The following NOL10 variants were observed in gnomAD, a reference collection of about 807,000 sequenced individuals.
NOL10 encodes H_NH0074G24.1.
Under a neutral mutation model 103.5 loss-of-function variants are expected in NOL10, and 58 were observed. The observed-to-expected ratio is 0.56, with a 90% CI of 0.45 to 0.70. The LOEUF is 0.70. Among genes scored for constraint, NOL10 ranks in the 30% least tolerant of loss-of-function variants. The probability of loss-of-function intolerance (pLI) is 0.00; values close to 1 mark genes in which losing one functional copy is unlikely to be tolerated. For missense variants in NOL10, 763 were observed against 807.3 expected, an observed-to-expected ratio of 0.95 and a Z score of 0.67; for synonymous variants, 287 against 282.5, an observed-to-expected ratio of 1.02 and a Z score of -0.16.
rs1674201454 is a variant in NOL10 at position 10,571,993 on chromosome 2, C to G, written c.*78G>C. The G allele has an allele frequency of 6.7e-7, 1 of 1,488,926 alleles. No individual in the cohort carries two copies. The allele number at this position is 1,488,926 out of a possible 1,614,324, so 92.2% of individuals were successfully genotyped here. ...ACTTTAAAAACGTGTGTTTCCTCGT[C>G]TGTGTTTAACACCCTAACGATGATC... On this transcript the variant is annotated 3_prime_UTR_variant, in exon 21 of 21. Coordinates refer to ENST00000381685, the MANE Select transcript of NOL10 (RefSeq NM_024894.4).
chr2:10,605,115 A>G (rs918507430), intron 14 of NOL10, among the ~76,000 whole-genome samples: 1 of 152,236 alleles, frequency 6.6e-6, no homozygotes, highest in African/African-American at 2.4e-5. Flanking sequence ...AGGCTTAAAG[A>G]GGCGAAGTGA....
chr2:10,597,915 T>C (rs1182581630), intron 17 of NOL10, among the ~76,000 whole-genome samples: 3 of 152,188 alleles, frequency 2.0e-5, no homozygotes, highest in Non-Finnish European at 4.4e-5. Context: ...GACCCACCAA[T>C]AGGTTTTAAA....
intron 19 of NOL10, among the ~76,000 whole-genome samples, chr2:10,582,918 C>T (rs997857975): frequency 3.9e-5 from 6 of 152,174 alleles, no homozygotes; most frequent in African/African-American, 1.2e-4. Context: ...AAAGACTCAC[C>T]GACACTAACT....
At chr2:10,660,779 T>C (rs1406419526) in intron 9 of NOL10, among the ~76,000 whole-genome samples, 1 of 152,182 alleles carries the variant, frequency 6.6e-6, no homozygotes. Context: ...TTTCAGTTAT[T>C]CTCCTGAGTT....
At chr2:10,593,698 T>C (rs1675516124) in intron 17 of NOL10, among the ~76,000 whole-genome samples, 1 of 152,178 alleles carries the variant, frequency 6.6e-6, no homozygotes, top group Non-Finnish European at 1.5e-5. Context: ...GCCCCAGCCC[T>C]TTCCCACGGA....
At chr2:10,580,781 T>A (rs537758643) in intron 19 of NOL10, among the ~76,000 whole-genome samples, 132 of 152,060 alleles carry the variant, frequency 8.7e-4, no homozygotes, top group African/African-American at 2.9e-3. Flanking sequence ...GCTCCTCAGA[T>A]GAGAGGTTTT....
intron 13 of NOL10, among the ~76,000 whole-genome samples, chr2:10,608,123 T>C (rs2148195071): frequency 6.6e-6 from 1 of 152,298 alleles, no homozygotes; most frequent in South Asian, 2.1e-4. Flanking sequence ...CATATACATG[T>C]TTCAAAATAT....
intron 1 of NOL10, among the ~76,000 whole-genome samples, chr2:10,684,855 A>C (rs964272736): frequency 6.6e-6 from 1 of 152,188 alleles, no homozygotes; most frequent in African/African-American, 2.4e-5. Context: ...TTTTAGAGAC[A>C]GGGTCTCATG....
chr2:10,618,039 T>G (rs1676924494), intron 13 of NOL10, among the ~76,000 whole-genome samples: 1 of 97,818 alleles, frequency 1.0e-5, no homozygotes, highest in Non-Finnish European at 1.9e-5. Flanking sequence ...TTCATGTTTT[T>G]TTTTTTTTTT....
At chr2:10,622,592 CAATT>C (rs1677213028) in intron 13 of NOL10, among the ~76,000 whole-genome samples, 1 of 152,026 alleles carries the variant, frequency 6.6e-6, no homozygotes, top group Non-Finnish European at 1.5e-5. Context: ...ACTGAAACCT[CAATT>C]ATTTCAAGTA....
At chr2:10,688,046 A>C (rs1468252482) in intron 1 of NOL10, among the ~76,000 whole-genome samples, 9 of 152,156 alleles carry the variant, frequency 5.9e-5, no homozygotes, top group Admixed American at 5.9e-4. Context: ...CAGACTCAAA[A>C]CTGAAGAGTT....
chr2:10,657,251 G>A (rs1679902192), intron 11 of NOL10, among the ~76,000 whole-genome samples: 1 of 151,988 alleles, frequency 6.6e-6, no homozygotes, highest in African/African-American at 2.4e-5. Context: ...CTGGGAGGCG[G>A]AGGTTACAGT....
At chr2:10,638,819 T>C (rs1379124245) in intron 13 of NOL10, among the ~76,000 whole-genome samples, 3 of 126,364 alleles carry the variant, frequency 2.4e-5, no homozygotes, top group African/African-American at 7.2e-5. Flanking sequence ...TTTTTTTTTT[T>C]TGAGACAGAT....
rs201387297 is a variant in NOL10 at position 10,677,871 on chromosome 2, G to GTGTGTGTGTGTGTA, written c.212-2001_212-2000insTACACACACACACA. ...TGTGTGTGTGTGTGTGTGTGTGTGT[G>GTGTGTGTGTGTGTA]TATACACATATATATGCGTGTGTAT... is the stretch of plus-strand genomic sequence containing the variant. On this transcript the variant is annotated intron_variant, in intron 3 of 20. Coordinates refer to ENST00000381685, the MANE Select transcript of NOL10 (RefSeq NM_024894.4). Among the ~76,000 whole-genome samples, 1,058 of 145,964 alleles carry GTGTGTGTGTGTGTA rather than the reference G, an allele frequency of 7.2e-3. 10 individuals carry two copies. Among genetic ancestry groups the GTGTGTGTGTGTGTA allele is most frequent in the Middle Eastern group, 0.028 (8 of 288 alleles).
rs1373405099 is a variant in NOL10, at chr2:10,587,136, TAC to T, written c.1844+1905_1844+1906del. Among the ~76,000 whole-genome samples, 77 of 49,374 alleles carry T rather than the reference TAC, an allele frequency of 1.6e-3. 24 individuals carry two copies. The highest frequency in any genetic ancestry group is 5.9e-3 in the African/African-American group (59 of 10,024). 32.4% of individuals were successfully genotyped at this position (49,374 alleles called of 152,430 possible). A position where few individuals can be genotyped will look rare whatever the true frequency, so the allele number is the denominator to read the frequency against. Reference sequence around the variant, plus strand: ...ATATATATACATATATATACATATATACACATATATATACATATATACACATA... The same window carrying T: ...ATATATATACATATATATACATATATACATATATATACATATATACACATA... On this transcript the variant is annotated intron_variant, in intron 19 of 20. Transcript: ENST00000381685.
At chr2:10,582,205 A>G (rs1421803633) in intron 19 of NOL10, among the ~76,000 whole-genome samples, 1 of 152,228 alleles carries the variant, frequency 6.6e-6, no homozygotes, top group Non-Finnish European at 1.5e-5. Flanking sequence ...GAGTAAAAAC[A>G]TGCCATATTA....
chr2:10,607,835 C>A (rs1676340353), intron 13 of NOL10, among the ~76,000 whole-genome samples: 1 of 150,938 alleles, frequency 6.6e-6, no homozygotes, highest in African/African-American at 2.4e-5. Context: ...TGAGTTCAAG[C>A]AATCTGCCAG....
At chr2:10,689,013 T>G (rs748751240) in intron 1 of NOL10, among the ~76,000 whole-genome samples, 1 of 152,226 alleles carries the variant, frequency 6.6e-6, no homozygotes, top group Admixed American at 6.5e-5. Context: ...TGAAAACCAC[T>G]TTCTAACAAG....
intron 12 of NOL10, among the ~76,000 whole-genome samples, chr2:10,652,827 C>A (rs371548820): frequency 3.3e-5 from 5 of 151,362 alleles, no homozygotes; most frequent in African/African-American, 1.2e-4. Flanking sequence ...GGACGCCAGA[C>A]ACGCCCCCCA....
Sources: allele counts gnomAD v4.1 joint callset (sites outside exome capture counted in the v4.1 genomes callset), GRCh38; gene constraint gnomAD v4.1.1; transcripts MANE v1.5; gene names NCBI Gene and HGNC (gene_info 2026-07-23, HGNC 2026-07-21).